PROKR2: variants seen among roughly 807,000 people sequenced by gnomAD.
The protein encoded by PROKR2 is G protein-coupled receptor 73-like 1.
Under a neutral mutation model 23.4 loss-of-function variants are expected in PROKR2, and 26 were observed. The ratio of observed to expected loss-of-function variants is 1.11; its 90% confidence interval spans 0.81 to 1.54. The LOEUF (loss-of-function observed/expected upper bound fraction) is 1.54. Ranked by LOEUF, PROKR2 falls within the 40% of genes most tolerant of loss-of-function variation. The pLI, the probability that PROKR2 is intolerant of heterozygous loss-of-function variation, is 0.00. For synonymous variants in PROKR2, 212 were observed against 201.2 expected (o/e 1.05, Z -0.45); for missense variants, 453 against 511.5 (o/e 0.89, Z 1.10).
chr20:5,309,564 T>C (rs1287186135), intron 2 of PROKR2, among the ~76,000 whole-genome samples: 1 of 152,212 alleles, frequency 6.6e-6, no homozygotes, highest in Non-Finnish European at 1.5e-5. Flanking sequence ...GATAATCCAG[T>C]ATAATTTCTA....
At chr20:5,314,846 C>A (rs962443657) in intron 1 of PROKR2, among the ~76,000 whole-genome samples, 5 of 152,218 alleles carry the variant, frequency 3.3e-5, no homozygotes, top group Admixed American at 3.3e-4. Flanking sequence ...AGGATGCTCC[C>A]ATGAGCTGGC....
intron 2 of PROKR2, among the ~76,000 whole-genome samples, chr20:5,313,242 C>A (rs1051559317): frequency 6.6e-6 from 1 of 152,206 alleles, no homozygotes; most frequent in East Asian, 1.9e-4. Context: ...GGAAATATCT[C>A]ATGCAAATGT....
chr20:5,313,234 A>G (rs900016508), intron 2 of PROKR2, among the ~76,000 whole-genome samples: 1 of 152,264 alleles, frequency 6.6e-6, no homozygotes, highest in Non-Finnish European at 1.5e-5. Context: ...GGACTTCTGG[A>G]AATATCTCAT....
At position 5,300,941 on chromosome 20, in the gene PROKR2, C is replaced by G. The variant is rs1323158645; in HGVS notation, c.*1099G>C. Among the ~76,000 whole-genome samples the G allele has an allele frequency of 6.6e-6, 1 of 152,216 alleles. No homozygotes were observed. Among genetic ancestry groups the G allele is most frequent in the East Asian group, 1.9e-4 (1 of 5,200 alleles). On this transcript the variant is annotated 3_prime_UTR_variant, in exon 3 of 3. Coordinates refer to ENST00000678254, the MANE Select transcript of PROKR2 (RefSeq NM_144773.4). ...CCACCCAAATAAAATGATAAGCTTT[C>G]AAGCATCAGTGGGAAAGTGATTTTT...
intron 2 of PROKR2, among the ~76,000 whole-genome samples, chr20:5,312,382 C>T (rs1479964995): frequency 6.6e-6 from 1 of 152,214 alleles, no homozygotes; most frequent in Non-Finnish European, 1.5e-5. Context: ...GCTGGGATTA[C>T]AGACGTGAGC....
rs1463268823 is a variant in PROKR2, at chr20:5,316,046, A to G, written c.-9+448T>C. On this transcript the variant is annotated intron_variant, in intron 1 of 2. Coordinates refer to ENST00000678254, the MANE Select transcript of PROKR2 (RefSeq NM_144773.4). This position sits in a 1 kb window ranked among gnomAD's most constrained non-coding sequence, Gnocchi z 5.0. ...CGACATCCTGGCAAAGACAGGAATC[A>G]AGTCAGAAATTCAGGCTCTAGAAGC... The G allele has an allele frequency of 2.2e-6, 1 of 456,704 alleles. No individual in the cohort carries two copies. Among genetic ancestry groups the G allele is most frequent in the Non-Finnish European group, 4.4e-6 (1 of 226,970 alleles). 28.3% of individuals were successfully genotyped at this position (456,704 alleles called of 1,614,324 possible). A position where few individuals can be genotyped will look rare whatever the true frequency, so the allele number is the denominator to read the frequency against.
At chr20:5,313,621 G>A (rs1568572991) in intron 2 of PROKR2, among the ~76,000 whole-genome samples, 1 of 152,230 alleles carries the variant, frequency 6.6e-6, no homozygotes, top group Non-Finnish European at 1.5e-5. Flanking sequence ...GGTAGTAGCT[G>A]CCTGCCCTTT....
Position 5,302,729 on chromosome 20 carries a change from C to G in PROKR2, c.466G>C (p.Ala156Pro). Residue 156 changes from alanine (A) to proline (P), a missense_variant, in exon 3 of 3, where the codon GCC (alanine) becomes CCC (proline). By Grantham distance (27) the Ala-to-Pro change is conservative (BLOSUM62 -1). Coordinates refer to ENST00000678254, the MANE Select transcript of PROKR2 (RefSeq NM_144773.4). Reference protein sequence around the residue: ...LLAIAIDRYLAIVHPLKPRMN... With the variant: ...LLAIAIDRYLPIVHPLKPRMN... ...CGTGGTTTCAAGGGGTGAACGATGG[C>G]GAGATATCTGGTGGGGGAGGGAAGC... is the stretch of plus-strand genomic sequence containing the variant. 1 of 1,613,244 alleles carries G rather than the reference C, an allele frequency of 6.2e-7. No homozygotes were observed. Among genetic ancestry groups the G allele is most frequent in the Non-Finnish European group, 8.5e-7 (1 of 1,179,298 alleles).
In PROKR2 at chr20:5,314,394, G is replaced by A. The variant is rs1979577209; in HGVS notation, c.-8-17C>T. On this transcript the variant is annotated splice_polypyrimidine_tract_variant and intron_variant, in intron 1 of 2. Coordinates refer to ENST00000678254, the MANE Select transcript of PROKR2 (RefSeq NM_144773.4). ...TGGTGATGTCTGCAAGAAAAGTGGT[G>A]TGAGGGAGGTGCGAGGGGTGAGGGT... 8 of 1,603,484 alleles carry A rather than the reference G, an allele frequency of 5.0e-6. No individual in the cohort carries two copies. Among genetic ancestry groups the A allele is most frequent in the Non-Finnish European group, 6.8e-6 (8 of 1,171,268 alleles).
intron 1 of PROKR2, chr20:5,315,913 C>G (rs894309992): frequency 2.2e-6 from 1 of 456,388 alleles, no homozygotes; most frequent in Non-Finnish European, 4.4e-6. Flanking sequence ...CGGGCTGGGA[C>G]AGGTCCCAGC....
At chr20:5,304,448 G>A (rs7270408) in intron 2 of PROKR2, among the ~76,000 whole-genome samples, 61,888 of 152,040 alleles carry the variant, frequency 0.41, 12,708 homozygotes, top group East Asian at 0.52. Flanking sequence ...ACTCGAGCTC[G>A]TCTAACTCCT....
At chr20:5,315,171 G>A (rs1198460059) in intron 1 of PROKR2, among the ~76,000 whole-genome samples, 1 of 151,928 alleles carries the variant, frequency 6.6e-6, no homozygotes, top group Non-Finnish European at 1.5e-5. Flanking sequence ...AGGTGGAGGA[G>A]GTGGTGGTGG....
chr20:5,303,358 C>G (rs955494240), intron 2 of PROKR2, among the ~76,000 whole-genome samples: 12 of 152,248 alleles, frequency 7.9e-5, no homozygotes, highest in South Asian at 2.1e-4. Context: ...ATTTCAGAGG[C>G]AGGAGAGTCA....
In PROKR2 at chr20:5,302,050, C is replaced by T. The variant is rs779246131; in HGVS notation, c.1145G>A (p.Arg382Lys). ...VPTTEEVDCI[R>K]LK ...TGTGACACCAGTGGGTCACTTCAGC[C>T]TGATACAGTCCACCTCTTCTGTGGT... The change falls in exon 3 of 3, where the codon AGG becomes AAG. Residue 382 changes from arginine to lysine, a missense_variant. Physicochemically the swap from Arg to Lys is conservative, Grantham distance 26. Transcript: ENST00000678254. 7 of 1,613,972 alleles carry T rather than the reference C, an allele frequency of 4.3e-6. No individual in the cohort carries two copies. The highest frequency in any genetic ancestry group is 5.9e-6 in the Non-Finnish European group (7 of 1,179,894).
At chr20:5,310,115 C>G (rs573804728) in intron 2 of PROKR2, among the ~76,000 whole-genome samples, 1 of 152,318 alleles carries the variant, frequency 6.6e-6, no homozygotes, top group Admixed American at 6.5e-5. Context: ...TTGTCATGTT[C>G]TGAGAAGGTA....
rs374739562 is a variant in PROKR2, at chr20:5,299,429, C to T, written c.*2611G>A. 1.1e-4 allele frequency among the ~76,000 whole-genome samples: 17 copies of T among 152,008 alleles called. No individual in the cohort carries two copies. The East Asian group carries it at 1.2e-3, about 10-fold the overall frequency. On this transcript the variant is annotated 3_prime_UTR_variant, in exon 3 of 3. Coordinates refer to ENST00000678254, the MANE Select transcript of PROKR2 (RefSeq NM_144773.4). ...TCCATTCCTAAAGAATCTCCTGATT[C>T]GGCTAAGAGCCAGGATAGAATAATA... is the stretch of plus-strand genomic sequence containing the variant.
At chr20:5,309,156 C>G (rs5012083) in intron 2 of PROKR2, among the ~76,000 whole-genome samples, 77,660 of 152,076 alleles carry the variant, frequency 0.51, 20,132 homozygotes, top group African/African-American at 0.61. Flanking sequence ...CAGGCTCATT[C>G]TTGTTGGGGG....
Position 5,308,358 on chromosome 20 carries a change from C to T in PROKR2, c.458+5554G>A, listed in dbSNP as rs570373346. 9.0e-4 allele frequency among the ~76,000 whole-genome samples: 137 copies of T among 152,330 alleles called. No individual in the cohort carries two copies. The South Asian group carries it at 9.1e-3, about 10-fold the overall frequency. On this transcript the variant is annotated intron_variant, in intron 2 of 2. Transcript: ENST00000678254. ...ACCTGGCCCGCCCAGGGCAGAAAAC[C>T]GCTTAAAGGCGTTCTTAAACCACAA... is the stretch of plus-strand genomic sequence containing the variant.
intron 1 of PROKR2, among the ~76,000 whole-genome samples, chr20:5,315,344 C>T (rs1335963801): frequency 6.6e-6 from 1 of 152,228 alleles, no homozygotes; most frequent in Non-Finnish European, 1.5e-5. Flanking sequence ...GCCTGAAAGG[C>T]ACCATGTCCT....
Sources: allele counts gnomAD v4.1 joint callset (sites outside exome capture counted in the v4.1 genomes callset), GRCh38; gene constraint gnomAD v4.1.1; non-coding constraint Gnocchi (gnomAD v3.1); transcripts MANE v1.5; gene names NCBI Gene and HGNC (gene_info 2026-07-23, HGNC 2026-07-21).